The following PHACTR1 variants were observed in gnomAD, a reference collection of about 807,000 sequenced individuals.
PHACTR1 encodes the protein RPEL repeat containing 1.
Under a neutral mutation model 69.2 loss-of-function variants are expected in PHACTR1, and 16 were observed. The observed-to-expected ratio is 0.23, with a 90% CI of 0.16 to 0.35. The LOEUF is 0.35. Among genes scored for constraint, PHACTR1 ranks in the 10% least tolerant of loss-of-function variants. The pLI, the probability that PHACTR1 is intolerant of heterozygous loss-of-function variation, is 1.00. For missense variants in PHACTR1, 510 were observed against 734.7 expected (o/e 0.69, Z 3.54); for synonymous variants, 312 against 284.5 (o/e 1.10, Z -0.97).
intron 7 of PHACTR1, among the ~76,000 whole-genome samples, chr6:13,188,508 C>T (rs1763101824): frequency 6.6e-6 from 1 of 152,130 alleles, no homozygotes. Context: ...AGACACCAAG[C>T]GTGATTAATG....
intron 5 of PHACTR1, among the ~76,000 whole-genome samples, chr6:13,073,228 A>C (rs1173890661): frequency 2.0e-5 from 3 of 151,812 alleles, no homozygotes; most frequent in African/African-American, 7.3e-5. Flanking sequence ...GGATTAACAA[A>C]AAAAAAAGAA....
At chr6:12,859,472 T>C (rs953497567) in intron 4 of PHACTR1, among the ~76,000 whole-genome samples, 1 of 152,252 alleles carries the variant, frequency 6.6e-6, no homozygotes, top group East Asian at 1.9e-4. Flanking sequence ...GTCTCAAGCA[T>C]ATTTCATGAA....
chr6:12,845,425 A>AACCACCCCCC (rs1561938718), intron 4 of PHACTR1, among the ~76,000 whole-genome samples: 1 of 14,808 alleles, frequency 6.8e-5, no homozygotes, highest in Non-Finnish European at 1.2e-4. Flanking sequence ...TGTGAACACC[A>AACCACCCCCC]CCCACCCCCC....
intron 5 of PHACTR1, among the ~76,000 whole-genome samples, chr6:13,086,530 T>G (rs1207769612): frequency 6.6e-5 from 10 of 152,114 alleles, no homozygotes; most frequent in Non-Finnish European, 2.9e-5. Flanking sequence ...AACCAGTGCT[T>G]TTTTTTCTGC....
At chr6:12,992,771 G>A (rs776078935) in intron 4 of PHACTR1, among the ~76,000 whole-genome samples, 2 of 152,140 alleles carry the variant, frequency 1.3e-5, no homozygotes, top group Non-Finnish European at 2.9e-5. Flanking sequence ...AGGGGCTCCC[G>A]AGTGGGTCTT....
intron 4 of PHACTR1, among the ~76,000 whole-genome samples, chr6:12,999,179 T>G (rs1797788065): frequency 1.3e-5 from 2 of 152,186 alleles, no homozygotes; most frequent in African/African-American, 4.8e-5. Context: ...TGACAAAAAT[T>G]TACATACCAA....
intron 4 of PHACTR1, among the ~76,000 whole-genome samples, chr6:12,867,519 A>G (rs75244799): frequency 1.3e-3 from 197 of 152,340 alleles, no homozygotes; most frequent in African/African-American, 4.5e-3. Context: ...AGAATGAGGT[A>G]CAGAGATGGC....
At chr6:13,144,604 A>C (rs947284110) in intron 5 of PHACTR1, among the ~76,000 whole-genome samples, 1 of 151,930 alleles carries the variant, frequency 6.6e-6, no homozygotes, top group Non-Finnish European at 1.5e-5. Flanking sequence ...ACTGATTCTA[A>C]AATATGTGTG....
At chr6:13,041,022 A>T (rs1804059413) in intron 4 of PHACTR1, among the ~76,000 whole-genome samples, 1 of 152,190 alleles carries the variant, frequency 6.6e-6, no homozygotes, top group Non-Finnish European at 1.5e-5. Flanking sequence ...AAAAATAAAC[A>T]CTAAATCAAA....
chr6:13,071,105 T>G (rs1290345179), intron 5 of PHACTR1, among the ~76,000 whole-genome samples: 1 of 152,036 alleles, frequency 6.6e-6, no homozygotes, highest in African/African-American at 2.4e-5. Context: ...ATATAAAACA[T>G]GTAGAATATT....
rs567529407 is a variant in PHACTR1 at position 12,854,482 on chromosome 6, A to G, written c.250+104692A>G. 3.3e-5 allele frequency among the ~76,000 whole-genome samples: 5 copies of G among 152,310 alleles called. No individual in the cohort carries two copies. In the East Asian group the frequency reaches 9.7e-4, roughly 29 times the overall value. ...AGAATGCTTTGTTGTGTACCTAAGG[A>G]AATATCACCGTTAGATGGATGAATT... On this transcript the variant is annotated intron_variant, in intron 4 of 14. Coordinates refer to ENST00000332995, the MANE Select transcript of PHACTR1 (RefSeq NM_030948.6).
chr6:13,060,182 T>C (rs1246688106), intron 5 of PHACTR1, among the ~76,000 whole-genome samples: 1 of 152,090 alleles, frequency 6.6e-6, no homozygotes, highest in South Asian at 2.1e-4. Context: ...TACAGAAAAA[T>C]GTCCATTGAC....
At chr6:13,093,012 G>A (rs1583322053) in intron 5 of PHACTR1, among the ~76,000 whole-genome samples, 1 of 152,326 alleles carries the variant, frequency 6.6e-6, no homozygotes, top group East Asian at 1.9e-4. Flanking sequence ...CAGGCCTTGG[G>A]TGGTCTAGCC....
At chr6:13,066,670 T>G (rs1185117053) in intron 5 of PHACTR1, among the ~76,000 whole-genome samples, 1 of 152,088 alleles carries the variant, frequency 6.6e-6, no homozygotes, top group Non-Finnish European at 1.5e-5. Context: ...CTTCTGCTGG[T>G]CTCTCTTGGG....
At chr6:12,926,994 G>A (rs9296522) in intron 4 of PHACTR1, among the ~76,000 whole-genome samples, 24,241 of 152,186 alleles carry the variant, frequency 0.16, 4,694 homozygotes, top group African/African-American at 0.47. Flanking sequence ...CAATTGCTTA[G>A]GATCCAGCTC....
chr6:12,935,775 C>G (rs1411337812), intron 4 of PHACTR1, among the ~76,000 whole-genome samples: 1 of 152,102 alleles, frequency 6.6e-6, no homozygotes, highest in African/African-American at 2.4e-5. Context: ...GTATTTCCAT[C>G]TAACCACATG....
chr6:13,252,327 CAAA>C (rs373475742), intron 10 of PHACTR1, among the ~76,000 whole-genome samples: 8,790 of 82,480 alleles, frequency 0.11, 440 homozygotes, highest in African/African-American at 0.19. Context: ...GATCCTGTCT[CAAA>C]AAAAAAAAAA....
intron 4 of PHACTR1, among the ~76,000 whole-genome samples, chr6:12,975,018 C>G (rs1480279885): frequency 6.6e-6 from 1 of 152,140 alleles, no homozygotes; most frequent in Non-Finnish European, 1.5e-5. Context: ...GAAAAAAGCC[C>G]TCTGTACAAT....
intron 4 of PHACTR1, chr6:12,933,827 C>G (rs372987078): frequency 6.2e-7 from 1 of 1,612,682 alleles, no homozygotes; most frequent in Non-Finnish European, 8.5e-7. Flanking sequence ...GGGTATGAGC[C>G]CTGTTCAAGG....
Sources: gnomAD v4.1 joint callset for allele counts (sites outside exome capture counted in the v4.1 genomes callset) on GRCh38, gnomAD v4.1.1 for gene constraint, MANE v1.5 for transcripts, NCBI Gene and HGNC (gene_info 2026-07-23, HGNC 2026-07-21) for gene names.